SRPK2: variants seen among roughly 807,000 people sequenced by gnomAD.
The protein encoded by SRPK2 is SRSF protein kinase 2, also known as SFRS protein kinase 2.
A neutral mutation model predicts 90.8 loss-of-function variants in SRPK2; 21 were observed. That is an observed-to-expected ratio of 0.23 (90% confidence interval 0.16 to 0.33). The LOEUF is 0.33. SRPK2 is among the 10% of genes least tolerant of loss of function. The probability of loss-of-function intolerance (pLI) is 1.00; values close to 1 mark genes in which losing one functional copy is unlikely to be tolerated. For synonymous variants in SRPK2, 288 were observed against 311.1 expected (o/e 0.93, Z 0.78); for missense variants, 620 against 869.0 (o/e 0.71, Z 3.60).
At chr7:105,356,203 A>G (rs1185008141) in intron 2 of SRPK2, among the ~76,000 whole-genome samples, 1 of 152,086 alleles carries the variant, frequency 6.6e-6, no homozygotes, top group Non-Finnish European at 1.5e-5. Flanking sequence ...TTATAGGAGA[A>G]AGCAAGAGCC....
intron 2 of SRPK2, among the ~76,000 whole-genome samples, chr7:105,366,739 T>C (rs1265673786): frequency 2.0e-5 from 3 of 152,208 alleles, no homozygotes; most frequent in Non-Finnish European, 4.4e-5. Context: ...TAAAAGAATA[T>C]TTCACAAGAA....
At chr7:105,199,892 A>C (rs1795333033) in intron 3 of SRPK2, among the ~76,000 whole-genome samples, 1 of 60,284 alleles carries the variant, frequency 1.7e-5, no homozygotes, top group Non-Finnish European at 3.4e-5. Context: ...ATTATTGTTT[A>C]ATTTAAAAAA....
chr7:105,294,855 T>C (rs909017759), intron 2 of SRPK2, among the ~76,000 whole-genome samples: 8 of 152,182 alleles, frequency 5.3e-5, no homozygotes, highest in African/African-American at 1.9e-4. Context: ...TGTTTTTCTA[T>C]GGCTGATGCC....
intron 2 of SRPK2, among the ~76,000 whole-genome samples, chr7:105,243,680 C>A (rs919932406): frequency 2.7e-5 from 4 of 146,592 alleles, no homozygotes; most frequent in Non-Finnish European, 6.0e-5. Flanking sequence ...AAATAACGAA[C>A]GGTAAATTTA....
chr7:105,223,141 A>G (rs1798309325), intron 2 of SRPK2, among the ~76,000 whole-genome samples: 1 of 152,224 alleles, frequency 6.6e-6, no homozygotes, highest in Admixed American at 6.5e-5. Flanking sequence ...TGGGACCACA[A>G]GATCTCACAA....
intron 2 of SRPK2, among the ~76,000 whole-genome samples, chr7:105,321,345 A>C (rs1324540192): frequency 6.6e-6 from 1 of 152,244 alleles, no homozygotes; most frequent in Non-Finnish European, 1.5e-5. Flanking sequence ...CAAACAACCT[A>C]CATAAGAGCT....
chr7:105,154,337 C>A (rs190247553), intron 7 of SRPK2, among the ~76,000 whole-genome samples: 27 of 152,324 alleles, frequency 1.8e-4, no homozygotes, highest in Admixed American at 1.6e-3. Context: ...CAAGTCAATA[C>A]AGCATCGTGT....
intron 2 of SRPK2, among the ~76,000 whole-genome samples, chr7:105,370,666 A>G (rs1029804530): frequency 7.4e-6 from 1 of 134,320 alleles, no homozygotes; most frequent in Non-Finnish European, 1.5e-5. Context: ...CCCAGGCTGG[A>G]GTGCAGTGGC....
intron 2 of SRPK2, among the ~76,000 whole-genome samples, chr7:105,377,230 C>T (rs896450992): frequency 2.6e-5 from 4 of 152,166 alleles, no homozygotes; most frequent in African/African-American, 9.7e-5. Flanking sequence ...ACCAACCCTA[C>T]CTGTAGCCTT....
intron 9 of SRPK2, 80 bp from the exon 10 acceptor site, chr7:105,143,410 T>C (rs918157813): frequency 9.2e-6 from 14 of 1,515,226 alleles, no homozygotes; most frequent in Admixed American, 6.1e-5. Flanking sequence ...GCATGGCAAA[T>C]AGCAATAAAC....
At chr7:105,138,757 C>T (rs1210422998) in intron 11 of SRPK2, among the ~76,000 whole-genome samples, 1 of 152,158 alleles carries the variant, frequency 6.6e-6, no homozygotes, top group African/African-American at 2.4e-5. Context: ...CGAGATCACG[C>T]CACTGCACTC....
chr7:105,334,314 G>A (rs1033368112), intron 2 of SRPK2, among the ~76,000 whole-genome samples: 9 of 152,146 alleles, frequency 5.9e-5, no homozygotes, highest in African/African-American at 2.2e-4. Flanking sequence ...TCTTGACCTC[G>A]TGATCCACCC....
At position 105,272,403 on chromosome 7, in the gene SRPK2, T is replaced by G. The variant is rs142777559; in HGVS notation, c.72-68618A>C. Among the ~76,000 whole-genome samples the G allele has an allele frequency of 3.3e-3, 504 of 152,366 alleles. 7 individuals carry two copies. Among genetic ancestry groups the G allele is most frequent in the African/African-American group, 0.011 (439 of 41,578 alleles). Reference sequence around the variant, plus strand: ...ACAGAAAACAGGCAAGCAGTTCCTGTGTAGTTTGAATAAATATATTTTAAA... The same window carrying G: ...ACAGAAAACAGGCAAGCAGTTCCTGGGTAGTTTGAATAAATATATTTTAAA... On this transcript the variant is annotated intron_variant, in intron 2 of 15. Coordinates refer to ENST00000393651, the MANE Select transcript of SRPK2 (RefSeq NM_182692.3).
At chr7:105,358,156 G>T (rs533211631) in intron 2 of SRPK2, among the ~76,000 whole-genome samples, 10 of 137,008 alleles carry the variant, frequency 7.3e-5, no homozygotes, top group African/African-American at 2.4e-4. Flanking sequence ...CCCGGGAGGC[G>T]AAGGTTGCAG....
intron 2 of SRPK2, among the ~76,000 whole-genome samples, chr7:105,259,201 A>T (rs1285709363): frequency 1.3e-5 from 2 of 152,228 alleles, no homozygotes; most frequent in Non-Finnish European, 2.9e-5. Flanking sequence ...TCAGGATACA[A>T]AATCAATGTG....
At chr7:105,150,276 C>T (rs572301125) in intron 7 of SRPK2, among the ~76,000 whole-genome samples, 4 of 152,300 alleles carry the variant, frequency 2.6e-5, no homozygotes, top group Admixed American at 6.5e-5. Context: ...CCCAGCCCTT[C>T]GGGAAGCCGA....
chr7:105,322,450 ACGT>A (rs1448002859), intron 2 of SRPK2, among the ~76,000 whole-genome samples: 1 of 152,112 alleles, frequency 6.6e-6, no homozygotes, highest in Non-Finnish European at 1.5e-5. Context: ...AACCTCAGAA[ACGT>A]CATGCAAAGT....
At chr7:105,234,687 G>A (rs1189919354) in intron 2 of SRPK2, among the ~76,000 whole-genome samples, 1 of 152,034 alleles carries the variant, frequency 6.6e-6, no homozygotes, top group East Asian at 1.9e-4. Flanking sequence ...CGTTGGAGAG[G>A]CAGCCTTAAA....
intron 2 of SRPK2, among the ~76,000 whole-genome samples, chr7:105,361,482 T>G: frequency 6.6e-6 from 1 of 152,132 alleles, no homozygotes; most frequent in East Asian, 1.9e-4. Flanking sequence ...TACTTTAAAG[T>G]TCATACGGAA....
Sources: gnomAD v4.1 joint callset for allele counts (sites outside exome capture counted in the v4.1 genomes callset) on GRCh38, gnomAD v4.1.1 for gene constraint, MANE v1.5 for transcripts, NCBI Gene and HGNC (gene_info 2026-07-23, HGNC 2026-07-21) for gene names.